The following FBRSL1 variants were observed in gnomAD, a reference collection of about 807,000 sequenced individuals.
FBRSL1 encodes the protein fibrosin like 1, also known as fibrosin-1-like protein.
In FBRSL1, 51 loss-of-function variants were observed where a neutral mutation model predicts 89.6. That is an observed-to-expected ratio of 0.57 (90% CI 0.45 to 0.72). The LOEUF (loss-of-function observed/expected upper bound fraction) is 0.72. Ranked by LOEUF, FBRSL1 falls within the 30% of genes least tolerant of loss-of-function variation. The pLI is 0.00. For synonymous variants in FBRSL1, 779 were observed against 681.1 expected, an observed-to-expected ratio of 1.14 and a Z score of -2.24; for missense variants, 1,618 against 1,451.8, an observed-to-expected ratio of 1.11 and a Z score of -1.86.
intron 9 of FBRSL1, chr12:132,571,715 C>A: frequency 5.2e-6 from 2 of 385,900 alleles, no homozygotes. Flanking sequence ...GCCATGAGGC[C>A]CCCACCCTCG....
intron 6 of FBRSL1, among the ~76,000 whole-genome samples, chr12:132,567,925 C>T (rs371526875): frequency 1.2e-3 from 179 of 152,308 alleles, no homozygotes; most frequent in African/African-American, 4.1e-3. Context: ...CTGCTGCCTG[C>T]GCGCCTCTGT....
intron 4 of FBRSL1, among the ~76,000 whole-genome samples, 151 bp downstream of exon 4, chr12:132,528,139 C>T (rs954623508): frequency 6.6e-6 from 1 of 152,160 alleles, no homozygotes; most frequent in African/African-American, 2.4e-5. Flanking sequence ...TGGCCTCAAA[C>T]ACCATGGGGT....
chr12:132,565,059 C>T (rs2039501446), intron 5 of FBRSL1: 2 of 152,254 alleles, frequency 1.3e-5, no homozygotes, highest in South Asian at 4.1e-4. Context: ...CAGACAAGCA[C>T]AGAACCCCCA....
intron 3 of FBRSL1, 83 bp from the exon 4 acceptor site, chr12:132,527,870 G>A: frequency 7.5e-7 from 1 of 1,329,362 alleles, no homozygotes. Flanking sequence ...AGGGCTGAGG[G>A]CTGCAGGGCA....
In FBRSL1 at chr12:132,546,601, G is replaced by C. The variant is rs1456309231; in HGVS notation, c.616-1402G>C. ...TTGGCCACGGCTGAAAGGCCAGACCGGGGGGGACCCTAGGAGAGGGCTTGG... is the reference window on the plus strand; with the variant it reads ...TTGGCCACGGCTGAAAGGCCAGACCCGGGGGGACCCTAGGAGAGGGCTTGG... On this transcript the variant is annotated intron_variant, in intron 4 of 18. Transcript: ENST00000680143. The surrounding 1 kb of genome is among the most constrained non-coding windows in gnomAD (Gnocchi z 4.0). Among the ~76,000 whole-genome samples the C allele has an allele frequency of 6.9e-5, 10 of 145,278 alleles. No homozygotes were observed. Among genetic ancestry groups the C allele is most frequent in the South Asian group, 2.2e-4 (1 of 4,568 alleles).
At chr12:132,558,453 G>A (rs986168818) in intron 5 of FBRSL1, among the ~76,000 whole-genome samples, 3 of 152,256 alleles carry the variant, frequency 2.0e-5, no homozygotes, top group Non-Finnish European at 4.4e-5. Flanking sequence ...GCCCGGAAGT[G>A]CCTATGTGGA....
At chr12:132,501,222 G>T (rs533196680) in intron 1 of FBRSL1, among the ~76,000 whole-genome samples, 2 of 152,338 alleles carry the variant, frequency 1.3e-5, no homozygotes, top group African/African-American at 4.8e-5. Flanking sequence ...GCCCCTACCA[G>T]CCCCTAGCCC....
chr12:132,551,817 C>G (rs2038189323), intron 5 of FBRSL1: 1 of 346,816 alleles, frequency 2.9e-6, no homozygotes, highest in Admixed American at 3.8e-5. Flanking sequence ...CGGTTTGTGT[C>G]TAACCACTTT....
intron 1 of FBRSL1, among the ~76,000 whole-genome samples, chr12:132,505,248 A>G (rs2033539522): frequency 6.6e-6 from 1 of 152,228 alleles, no homozygotes; most frequent in South Asian, 2.1e-4. Context: ...GGCTTGGTGC[A>G]GGGCCCCCAC....
At chr12:132,548,242 G>C (rs879481392) in intron 5 of FBRSL1, among the ~76,000 whole-genome samples, 12 of 152,144 alleles carry the variant, frequency 7.9e-5, no homozygotes, top group African/African-American at 2.9e-4. Flanking sequence ...GGCTGGGGCC[G>C]GTACCGTGTC....
At chr12:132,503,746 T>C (rs1225587459) in intron 1 of FBRSL1, among the ~76,000 whole-genome samples, 1 of 152,212 alleles carries the variant, frequency 6.6e-6, no homozygotes, top group East Asian at 1.9e-4. Context: ...TCAGGTGCTC[T>C]GCAGGGAGAG....
Position 132,490,770 on chromosome 12 carries a change from C to T in FBRSL1, c.200C>T (p.Pro67Leu). Residue 67 changes from proline (P) to leucine (L), a missense_variant, in exon 1 of 19, where the codon CCG becomes CTG. Coordinates refer to ENST00000680143, the MANE Select transcript of FBRSL1 (RefSeq NM_001367871.1). ...AAPAPRTARP[P>L]RRRRRESSSQ... is the part of the protein sequence containing the mutation. ...CCCGCGCCCCGCACCGCGCGTCCCC[C>T]GCGCCGCCGCCGCCGCGAGTCCAGC... 1 of 1,175,016 alleles carries T rather than the reference C, an allele frequency of 8.5e-7. No individual in the cohort carries two copies. The highest frequency in any genetic ancestry group is 1.0e-6 in the Non-Finnish European group (1 of 953,576). The allele number at this position is 1,175,016 out of a possible 1,614,324, so 72.8% of individuals were successfully genotyped here.
chr12:132,507,331 A>G, intron 1 of FBRSL1: 5 of 985,276 alleles, frequency 5.1e-6, no homozygotes, highest in Non-Finnish European at 6.0e-6. Context: ...CCTAAACTTG[A>G]CGCGCCGTAT....
chr12:132,496,367 T>C lies in FBRSL1; in HGVS notation c.291+5506T>C, dbSNP rs561436950. 1.5e-4 allele frequency among the ~76,000 whole-genome samples: 23 copies of C among 152,324 alleles called. 1 individual carries two copies. The South Asian group carries it at 4.4e-3, about 29-fold the overall frequency. On this transcript the variant is annotated intron_variant, in intron 1 of 18. Coordinates refer to ENST00000680143, the MANE Select transcript of FBRSL1 (RefSeq NM_001367871.1). ...GCCCTGCTGTCTGTGGCTGGCAGTT[T>C]TAAGGCTCCTGATGGTTGTGAGGGT...
Position 132,490,862 on chromosome 12 carries a change from G to C in FBRSL1, c.291+1G>C. 1 of 1,270,380 alleles carries C rather than the reference G, an allele frequency of 7.9e-7. No homozygotes were observed. Among genetic ancestry groups the C allele is most frequent in the Non-Finnish European group, 1.0e-6 (1 of 958,740 alleles). 78.7% of individuals were successfully genotyped at this position (1,270,380 alleles called of 1,614,324 possible). On this transcript the variant is annotated splice_donor_variant, in intron 1 of 18. Transcript: ENST00000680143. LOFTEE classifies it high-confidence loss of function. The stretch of plus-strand genomic sequence containing the variant: ...CTTCAGCACCCTGGAGGCCCTGGAG[G>C]TAGGTGGACGGGTGCGGCTTCGCAG...
At chr12:132,515,059 A>G (rs971799326) in intron 2 of FBRSL1, among the ~76,000 whole-genome samples, 1 of 151,882 alleles carries the variant, frequency 6.6e-6, no homozygotes, top group African/African-American at 2.4e-5. Flanking sequence ...AGAACAATAT[A>G]CCCTCTGTGA....
At chr12:132,490,988 C>G (rs2030806282) in intron 1 of FBRSL1, 127 bp downstream of exon 1, 2 of 738,826 alleles carry the variant, frequency 2.7e-6, no homozygotes, top group African/African-American at 1.9e-5. Flanking sequence ...AGGGAAGCCC[C>G]GGCCACTTGG....
chr12:132,532,947 C>T (rs554523313), intron 4 of FBRSL1, among the ~76,000 whole-genome samples: 3 of 152,246 alleles, frequency 2.0e-5, no homozygotes, highest in South Asian at 2.1e-4. Context: ...TGCCAGGGCC[C>T]GATACAGGCG....
At chr12:132,509,870 G>A (rs1593281987) in intron 2 of FBRSL1, 4 of 1,231,708 alleles carry the variant, frequency 3.2e-6, no homozygotes, top group Admixed American at 4.2e-5. Context: ...CACGCCGACG[G>A]CCCGCCAGCT....
Sources: gnomAD v4.1 joint callset for allele counts (sites outside exome capture counted in the v4.1 genomes callset) on GRCh38, gnomAD v4.1.1 for gene constraint, Gnocchi (gnomAD v3.1) non-coding constraint, MANE v1.5 for transcripts, NCBI Gene and HGNC (gene_info 2026-07-23, HGNC 2026-07-21) for gene names.